Variants in ADCYAP1R1 observed in about 807,000 individuals in gnomAD.
The protein encoded by ADCYAP1R1 is ADCYAP receptor type I, also known as pituitary adenylate cyclase-activating polypeptide type I receptor.
A neutral mutation model predicts 67.6 loss-of-function variants in ADCYAP1R1; 44 were observed. The ratio of observed to expected loss-of-function variants is 0.65; its 90% confidence interval spans 0.51 to 0.84. The LOEUF is 0.84. Among genes scored for constraint, ADCYAP1R1 ranks in the 40% least tolerant of loss-of-function variants. The pLI, the probability that ADCYAP1R1 is intolerant of heterozygous loss-of-function variation, is 0.00. For missense variants in ADCYAP1R1, 477 were observed against 587.9 expected (o/e 0.81, Z 1.95); for synonymous variants, 222 against 219.6 (o/e 1.01, Z -0.10).
chr7:31,076,340 G>A (rs1325819620), intron 3 of ADCYAP1R1, among the ~76,000 whole-genome samples: 1 of 152,214 alleles, frequency 6.6e-6, no homozygotes, highest in Non-Finnish European at 1.5e-5. Context: ...CAGAGTCAGA[G>A]AAGCAGGGAT....
intron 13 of ADCYAP1R1, chr7:31,100,089 C>T: frequency 6.5e-7 from 1 of 1,540,038 alleles, no homozygotes; most frequent in Non-Finnish European, 8.8e-7. Flanking sequence ...TGCCTGGTGC[C>T]CCCCAGCTGA....
chr7:31,075,474 C>T (rs1035773908), intron 3 of ADCYAP1R1, among the ~76,000 whole-genome samples: 34 of 152,144 alleles, frequency 2.2e-4, no homozygotes, highest in African/African-American at 6.5e-4. Context: ...TCCTGCCTCC[C>T]CACCATCCTC....
chr7:31,074,121 AAGCTGGGAGCTCACAGAGAC>A (rs1795102646), intron 3 of ADCYAP1R1, among the ~76,000 whole-genome samples: 1 of 152,128 alleles, frequency 6.6e-6, no homozygotes, highest in African/African-American at 2.4e-5. Flanking sequence ...TGGTCACTCA[AAGCTGGGAGCTCACAGAGAC>A]ACTCAGTTGT....
intron 3 of ADCYAP1R1, among the ~76,000 whole-genome samples, chr7:31,067,926 C>T (rs1794809140): frequency 6.6e-6 from 1 of 152,208 alleles, no homozygotes; most frequent in East Asian, 1.9e-4. Context: ...CCACCTTCTG[C>T]TACATCCCAG....
intron 13 of ADCYAP1R1, among the ~76,000 whole-genome samples, chr7:31,101,738 A>G (rs1796445517): frequency 6.6e-6 from 1 of 152,228 alleles, no homozygotes; most frequent in Non-Finnish European, 1.5e-5. Context: ...TCTTCATGGA[A>G]CAGGCAGCTC....
Position 31,052,358 on chromosome 7 carries a change from C to G in ADCYAP1R1, c.-392C>G, listed in dbSNP as rs1485661755. ...TTCGCGGCGGAGGCGGCGCCTCTCC[C>G]GCAGGACGGAGCCAAGCTGGACTGC... On this transcript the variant is annotated 5_prime_UTR_variant, in exon 1 of 16. Transcript: ENST00000304166. 1.3e-5 allele frequency: 2 copies of G among 151,944 alleles called. No homozygotes were observed. Among genetic ancestry groups the G allele is most frequent in the Non-Finnish European group, 2.9e-5 (2 of 67,960 alleles). The allele number at this position is 151,944 out of a possible 1,614,324, so 9.4% of individuals were successfully genotyped here.
At chr7:31,104,989 A>G in intron 15 of ADCYAP1R1, 80 bp downstream of exon 15, 1 of 1,422,702 alleles carries the variant, frequency 7.0e-7, no homozygotes, top group Non-Finnish European at 9.9e-7. Context: ...CCTGTTGGCC[A>G]CATGGGACTG....
chr7:31,084,909 T>C, intron 8 of ADCYAP1R1, 75 bp downstream of exon 8: 2 of 1,334,928 alleles, frequency 1.5e-6, no homozygotes, highest in Non-Finnish European at 2.2e-6. Flanking sequence ...ATCTCTCCCC[T>C]CCCCCCTTGA....
Position 31,090,039 on chromosome 7 carries a change from C to CT in ADCYAP1R1, c.954+2351dup, listed in dbSNP as rs571991991. On this transcript the variant is annotated intron_variant, in intron 12 of 15. Coordinates refer to ENST00000304166, the MANE Select transcript of ADCYAP1R1 (RefSeq NM_001118.5). Reference sequence around the variant, plus strand: ...CCTCATAGGTAATCCTGAAGGTTTTCTTTTTTTTATTTGCCTTGAAACAAT... The same window carrying CT: ...CCTCATAGGTAATCCTGAAGGTTTTCTTTTTTTTTATTTGCCTTGAAACAAT... Among the ~76,000 whole-genome samples the CT allele has an allele frequency of 6.1e-4, 93 of 151,812 alleles. 1 individual carries two copies. The highest frequency in any genetic ancestry group is 2.1e-3 in the African/African-American group (89 of 41,410).
intron 3 of ADCYAP1R1, among the ~76,000 whole-genome samples, chr7:31,067,357 G>T (rs1794779537): frequency 6.6e-6 from 1 of 152,172 alleles, no homozygotes; most frequent in Admixed American, 6.5e-5. Context: ...TAAAGGCCCA[G>T]TTGGACCACC....
At chr7:31,071,166 C>T (rs1162767966) in intron 3 of ADCYAP1R1, among the ~76,000 whole-genome samples, 2 of 152,194 alleles carry the variant, frequency 1.3e-5, no homozygotes, top group African/African-American at 4.8e-5. Flanking sequence ...CACTGTGGAA[C>T]TGGACAAAAT....
intron 1 of ADCYAP1R1, among the ~76,000 whole-genome samples, chr7:31,054,822 T>C (rs1010319959): frequency 2.6e-5 from 4 of 152,056 alleles, no homozygotes; most frequent in African/African-American, 7.2e-5. Flanking sequence ...ACACTGGAGG[T>C]GACAATGAGT....
chr7:31,106,879 T>C lies in ADCYAP1R1; in HGVS notation c.*195T>C, dbSNP rs1373683449. The C allele has an allele frequency of 3.1e-6, 2 of 651,234 alleles. No individual in the cohort carries two copies. The highest frequency in any genetic ancestry group is 3.4e-5 in the Admixed American group (1 of 29,664). 40.3% of individuals were successfully genotyped at this position (651,234 alleles called of 1,614,324 possible). ...TTGTTTTGGTACTGGTCCCACCCAC[T>C]GTGGTCCCCTGGGCCCTGACCCCAG... On this transcript the variant is annotated 3_prime_UTR_variant, in exon 16 of 16. Coordinates refer to ENST00000304166, the MANE Select transcript of ADCYAP1R1 (RefSeq NM_001118.5).
chr7:31,082,761 T>A (rs543813846), intron 6 of ADCYAP1R1, among the ~76,000 whole-genome samples: 2 of 152,234 alleles, frequency 1.3e-5, no homozygotes, highest in Non-Finnish European at 2.9e-5. Context: ...CTTGCCAAAC[T>A]TCCCCCTTAG....
chr7:31,097,705 G>A (rs1489870188), intron 13 of ADCYAP1R1, among the ~76,000 whole-genome samples: 8 of 152,106 alleles, frequency 5.3e-5, no homozygotes, highest in Non-Finnish European at 1.5e-5. Context: ...TCTAGGGTCC[G>A]GGAGGGACAG....
intron 15 of ADCYAP1R1, among the ~76,000 whole-genome samples, chr7:31,105,719 CAA>C (rs1378585635): frequency 2.0e-5 from 3 of 152,270 alleles, no homozygotes; most frequent in African/African-American, 7.2e-5. Context: ...TTAGGACAGA[CAA>C]GAGAGGCAGA....
rs534838152 is a variant in ADCYAP1R1 at position 31,098,710 on chromosome 7, G to C, written c.1047-4527G>C. On this transcript the variant is annotated intron_variant, in intron 13 of 15. Transcript: ENST00000304166. ...TGCACAGATGCAGCGGGGCGGGGGG[G>C]GGGGGGGGACCTGGGCTTGCCCCAT... Among the ~76,000 whole-genome samples, 340 of 120,610 alleles carry C rather than the reference G, an allele frequency of 2.8e-3. 3 individuals carry two copies. Among genetic ancestry groups the C allele is most frequent in the South Asian group, 9.8e-3 (27 of 2,760 alleles). The allele number at this position is 120,610 out of a possible 152,430, so 79.1% of individuals were successfully genotyped here. A position where few individuals can be genotyped will look rare whatever the true frequency, so the allele number is the denominator to read the frequency against.
chr7:31,071,752 G>A (rs1438392664), intron 3 of ADCYAP1R1, among the ~76,000 whole-genome samples: 2 of 152,118 alleles, frequency 1.3e-5, no homozygotes, highest in Non-Finnish European at 2.9e-5. Flanking sequence ...TAGTATCCCT[G>A]TGCTGCCTAC....
intron 12 of ADCYAP1R1, among the ~76,000 whole-genome samples, chr7:31,090,894 C>A (rs983011546): frequency 6.6e-6 from 1 of 152,198 alleles, no homozygotes; most frequent in African/African-American, 2.4e-5. Context: ...ATGCGTGTGT[C>A]TTTTTTGTAG....
Sources: allele counts gnomAD v4.1 joint callset (sites outside exome capture counted in the v4.1 genomes callset), GRCh38; gene constraint gnomAD v4.1.1; transcripts MANE v1.5; gene names NCBI Gene and HGNC (gene_info 2026-07-23, HGNC 2026-07-21).